ZNF407: variants seen among roughly 807,000 people sequenced by gnomAD.
ZNF407 encodes the protein zinc finger protein 407.
In ZNF407, 17 loss-of-function variants were observed where a neutral mutation model predicts 131.2. That is an observed-to-expected ratio of 0.13 (90% CI 0.09 to 0.19). The LOEUF is 0.19. ZNF407 is among the 10% of genes least tolerant of loss of function. The probability of loss-of-function intolerance (pLI) is 1.00; values close to 1 mark genes in which losing one functional copy is unlikely to be tolerated. For synonymous variants in ZNF407, 1,156 were observed against 1,062.0 expected (o/e 1.09, Z -1.72); for missense variants, 2,681 against 2,830.6 (o/e 0.95, Z 1.20).
rs188956664 is a variant in ZNF407 at position 74,851,112 on chromosome 18, G to A, written c.4878-26085G>A. ...GAAGATAAATTAACGTGTAGAAAAT[G>A]TTTAAAAGTATTTTTATAAACTCAG... On this transcript the variant is annotated intron_variant, in intron 4 of 8. Transcript: ENST00000299687. 1.2e-4 allele frequency among the ~76,000 whole-genome samples: 18 copies of A among 152,294 alleles called. No individual in the cohort carries two copies. In the East Asian group the frequency reaches 2.7e-3, roughly 23 times the overall value.
chr18:74,966,322 T>C (rs1378223905), intron 8 of ZNF407, among the ~76,000 whole-genome samples: 2 of 152,208 alleles, frequency 1.3e-5, no homozygotes, highest in African/African-American at 2.4e-5. Context: ...CTTTAATCCA[T>C]TTTTATTTGA....
chr18:74,714,776 G>C (rs1967851890), intron 3 of ZNF407, among the ~76,000 whole-genome samples: 1 of 152,132 alleles, frequency 6.6e-6, no homozygotes, highest in Non-Finnish European at 1.5e-5. Context: ...ATAGTATCAG[G>C]TAATGTTTTG....
chr18:74,707,246 C>T (rs1967648587), intron 3 of ZNF407, among the ~76,000 whole-genome samples: 1 of 152,178 alleles, frequency 6.6e-6, no homozygotes, highest in South Asian at 2.1e-4. Context: ...TCACCGTACC[C>T]AGCTAGCAGT....
Position 74,676,154 on chromosome 18 carries a change from C to T in ZNF407, c.4802+35032C>T, listed in dbSNP as rs375463012. Among the ~76,000 whole-genome samples the T allele has an allele frequency of 1.8e-4, 27 of 148,746 alleles. No homozygotes were observed. The East Asian group carries it at 2.5e-3, about 14-fold the overall frequency. On this transcript the variant is annotated intron_variant, in intron 3 of 8. Coordinates refer to ENST00000299687, the MANE Select transcript of ZNF407 (RefSeq NM_017757.3). ...TCACCCAGGCTGGAGTACAGTGGCA[C>T]GATCTCGGCTCACTGCAAACTCCAC... is the stretch of plus-strand genomic sequence containing the variant.
In ZNF407 at chr18:74,775,318, G is replaced by A. The variant is rs559350447; in HGVS notation, c.4803-6110G>A. Among the ~76,000 whole-genome samples the A allele has an allele frequency of 5.6e-4, 86 of 152,238 alleles. 1 individual carries two copies. The highest frequency in any genetic ancestry group is 2.5e-3 in the Admixed American group (39 of 15,296). ...GCTCAGGTCGGAACAGTATTTGTGA[G>A]AGTATGATGACACAACTGTAAGCTG... On this transcript the variant is annotated intron_variant, in intron 3 of 8. Transcript: ENST00000299687.
intron 8 of ZNF407, among the ~76,000 whole-genome samples, chr18:74,991,906 A>G (rs183286627): frequency 4.7e-4 from 71 of 152,366 alleles, no homozygotes; most frequent in South Asian, 2.3e-3. Flanking sequence ...TTACTTTTCT[A>G]CATGAACCTT....
In ZNF407 at chr18:75,063,389, C is replaced by A. The variant is rs1243653852; in HGVS notation, c.5668C>A (p.Leu1890Met). 1.2e-6 allele frequency: 2 copies of A among 1,611,196 alleles called. No individual in the cohort carries two copies. Among genetic ancestry groups the A allele is most frequent in the African/African-American group, 1.3e-5 (1 of 75,022 alleles). Reference sequence around the variant, plus strand: ...GGTGGAGGAGACGGCCGCCGCCACGCTGCAGACGCTGGCCATGGCCGGCCA... The same window carrying A: ...GGTGGAGGAGACGGCCGCCGCCACGATGCAGACGCTGGCCATGGCCGGCCA... ...PSVEETAAATLQTLAMAGQVA... is the reference protein window; with the variant it reads ...PSVEETAAATMQTLAMAGQVA... The change falls in exon 9 of 9, where the codon CTG (leucine) becomes ATG (methionine). Residue 1890 changes from leucine to methionine, a missense_variant. Physicochemically the swap from Leu to Met is conservative, Grantham distance 15. Around this residue, in one of 6 missense-constraint regions of ZNF407, gnomAD observed 620 missense variants for 583.1 expected, o/e 1.06. Coordinates refer to ENST00000299687, the MANE Select transcript of ZNF407 (RefSeq NM_017757.3). This position sits in a 1 kb window ranked among gnomAD's most constrained non-coding sequence, Gnocchi z 6.6.
At chr18:74,808,743 A>T (rs1970151107) in intron 4 of ZNF407, among the ~76,000 whole-genome samples, 1 of 152,224 alleles carries the variant, frequency 6.6e-6, no homozygotes, top group Non-Finnish European at 1.5e-5. Flanking sequence ...TAATGAGTAC[A>T]TGGTAAGAAT....
chr18:74,635,319 G>A lies in ZNF407; in HGVS notation c.4300G>A (p.Ala1434Thr), dbSNP rs1327381494. Residue 1434 changes from alanine (A) to threonine (T), a missense_variant, in exon 2 of 9, where the codon GCC becomes ACC. Transcript: ENST00000299687. The surrounding 1 kb of genome is among the most constrained non-coding windows in gnomAD (Gnocchi z 4.7). ...DGLSGLNVHI[A>T]MKHPTKEKHF... is the part of the protein sequence containing the mutation. ...ACTGAGTGGACTGAATGTTCACATA[G>A]CCATGAAGCATCCTACAAAAGAGAA... The A allele has an allele frequency of 1.2e-6, 2 of 1,614,020 alleles. No homozygotes were observed. The highest frequency in any genetic ancestry group is 3.3e-5 in the Admixed American group (2 of 60,030).
rs187832512 is a variant in ZNF407 at position 74,802,643 on chromosome 18, T to C, written c.4877+21141T>C. 2.3e-3 allele frequency among the ~76,000 whole-genome samples: 352 copies of C among 152,272 alleles called. 2 individuals are homozygous for C. The highest frequency in any genetic ancestry group is 8.1e-3 in the African/African-American group (336 of 41,572). On this transcript the variant is annotated intron_variant, in intron 4 of 8. Transcript: ENST00000299687. ...TCTTACTCTTCCTTTTTGTTAACAATTGTTTGACGGAAAATTTTGTGAAAT... is the reference window on the plus strand; with the variant it reads ...TCTTACTCTTCCTTTTTGTTAACAACTGTTTGACGGAAAATTTTGTGAAAT...
At chr18:74,693,125 A>G (rs1389363905) in intron 3 of ZNF407, among the ~76,000 whole-genome samples, 1 of 152,220 alleles carries the variant, frequency 6.6e-6, no homozygotes, top group Non-Finnish European at 1.5e-5. Flanking sequence ...CCATTTGTGC[A>G]GTGGCTGCAC....
intron 3 of ZNF407, among the ~76,000 whole-genome samples, chr18:74,696,968 TAAC>T (rs1326151139): frequency 2.6e-5 from 4 of 152,134 alleles, no homozygotes; most frequent in Non-Finnish European, 5.9e-5. Flanking sequence ...TTGAATAAAA[TAAC>T]AACCTGCAAA....
At chr18:74,919,113 T>G (rs1308717779) in intron 7 of ZNF407, among the ~76,000 whole-genome samples, 1 of 152,172 alleles carries the variant, frequency 6.6e-6, no homozygotes, top group Non-Finnish European at 1.5e-5. Context: ...GGAATACCTT[T>G]CCTAGTGCCA....
At chr18:74,982,264 G>A (rs1365941223) in intron 8 of ZNF407, among the ~76,000 whole-genome samples, 1 of 152,246 alleles carries the variant, frequency 6.6e-6, no homozygotes, top group South Asian at 2.1e-4. Context: ...TCTACACAGC[G>A]TCCTATTGAA....
intron 8 of ZNF407, among the ~76,000 whole-genome samples, chr18:74,957,720 C>T (rs1235398806): frequency 6.6e-6 from 1 of 152,228 alleles, no homozygotes; most frequent in East Asian, 1.9e-4. Flanking sequence ...TCTTTACAGA[C>T]TGGGCGGGGA....
At chr18:74,790,996 G>A (rs1310267590) in intron 4 of ZNF407, among the ~76,000 whole-genome samples, 1 of 152,104 alleles carries the variant, frequency 6.6e-6, no homozygotes, top group Non-Finnish European at 1.5e-5. Flanking sequence ...TGGTCTTAGG[G>A]CCACTTGCAT....
rs543569384 is a variant in ZNF407 at position 74,876,171 on chromosome 18, A to G, written c.4878-1026A>G. 1.9e-3 allele frequency among the ~76,000 whole-genome samples: 294 copies of G among 152,284 alleles called. 4 individuals are homozygous for G. The highest frequency in any genetic ancestry group is 6.8e-3 in the African/African-American group (284 of 41,556). On this transcript the variant is annotated intron_variant, in intron 4 of 8. Transcript: ENST00000299687. ...TAATTTAAAGCACAGATTATATTAA[A>G]CTCATAGTTCTGATTGCATTAAAAT...
At chr18:74,791,919 G>T (rs1969832972) in intron 4 of ZNF407, among the ~76,000 whole-genome samples, 1 of 152,112 alleles carries the variant, frequency 6.6e-6, no homozygotes, top group Admixed American at 6.6e-5. Flanking sequence ...TTTCATGATG[G>T]ACTTTTACTC....
intron 1 of ZNF407, among the ~76,000 whole-genome samples, chr18:74,602,814 G>A (rs990952217): frequency 6.6e-6 from 1 of 152,144 alleles, no homozygotes; most frequent in Non-Finnish European, 1.5e-5. Flanking sequence ...TATGTCCAGT[G>A]TAGTCTGTGA....
Sources: allele counts gnomAD v4.1 joint callset (sites outside exome capture counted in the v4.1 genomes callset), GRCh38; gene constraint gnomAD v4.1.1; regional missense constraint gnomAD v4.1.1; non-coding constraint Gnocchi (gnomAD v3.1); transcripts MANE v1.5; gene names NCBI Gene and HGNC (gene_info 2026-07-23, HGNC 2026-07-21).